CDH4: variants seen among roughly 807,000 people sequenced by gnomAD.
The protein encoded by CDH4 is cadherin 4.
CDH4 carries 33 observed loss-of-function variants against 86.0 expected under a neutral mutation model. The ratio of observed to expected loss-of-function variants is 0.38; its 90% CI spans 0.29 to 0.51. The LOEUF (loss-of-function observed/expected upper bound fraction) is 0.51. Among genes scored for constraint, CDH4 ranks in the 20% least tolerant of loss-of-function variants. The probability of loss-of-function intolerance (pLI) is 0.86; values close to 1 mark genes in which losing one functional copy is unlikely to be tolerated. For missense variants in CDH4, 1,114 were observed against 1,307.4 expected (o/e 0.85, Z 2.28); for synonymous variants, 555 against 549.4 (o/e 1.01, Z -0.14).
intron 2 of CDH4, among the ~76,000 whole-genome samples, chr20:61,687,817 C>G (rs956531458): frequency 6.6e-6 from 1 of 152,278 alleles, no homozygotes; most frequent in Non-Finnish European, 1.5e-5. Flanking sequence ...TACAATGTGT[C>G]TAGGGCATAG....
intron 2 of CDH4, among the ~76,000 whole-genome samples, chr20:61,487,721 A>G (rs1322789020): frequency 1.3e-5 from 2 of 152,196 alleles, no homozygotes; most frequent in Non-Finnish European, 1.5e-5. Context: ...TTGAAACACT[A>G]CTACTCAAAC....
chr20:61,408,868 C>T (rs1416345321), intron 2 of CDH4, among the ~76,000 whole-genome samples: 1 of 152,192 alleles, frequency 6.6e-6, no homozygotes, highest in East Asian at 1.9e-4. Context: ...CCTCAGTGGT[C>T]TCCAGGATCC....
chr20:61,689,005 C>T lies in CDH4; in HGVS notation c.170-54558C>T, dbSNP rs1380702046. Among the ~76,000 whole-genome samples, 4 of 152,262 alleles carry T rather than the reference C, an allele frequency of 2.6e-5. No individual in the cohort carries two copies. The East Asian group carries it at 7.7e-4, about 29-fold the overall frequency. ...GAAAGCCCCACTGGACCTGCCTTCG[C>T]AGCTCCCTCCTCGCCTTCCCTGTGT... On this transcript the variant is annotated intron_variant, in intron 2 of 15. Coordinates refer to ENST00000614565, the MANE Select transcript of CDH4 (RefSeq NM_001794.5).
intron 2 of CDH4, among the ~76,000 whole-genome samples, chr20:61,274,051 G>T (rs1191762528): frequency 7.2e-6 from 1 of 138,278 alleles, no homozygotes; most frequent in Non-Finnish European, 1.6e-5. Flanking sequence ...GGAGTACCAT[G>T]TGTAGTTTGG....
rs146784192 is a variant in CDH4 at position 61,623,448 on chromosome 20, A to T, written c.170-120115A>T. Among the ~76,000 whole-genome samples, 499 of 152,296 alleles carry T rather than the reference A, an allele frequency of 3.3e-3. 7 individuals are homozygous for T. The highest frequency in any genetic ancestry group is 4.6e-3 in the East Asian group (24 of 5,174). Reference sequence around the variant, plus strand: ...TAATTTCACATTGTCTTCTTTATATAGATTACACCTTCCAAAGCCTTCAGA... The same window carrying T: ...TAATTTCACATTGTCTTCTTTATATTGATTACACCTTCCAAAGCCTTCAGA... On this transcript the variant is annotated intron_variant, in intron 2 of 15. Coordinates refer to ENST00000614565, the MANE Select transcript of CDH4 (RefSeq NM_001794.5). The surrounding 1 kb of genome is among the most constrained non-coding windows in gnomAD (Gnocchi z 4.4).
intron 6 of CDH4, among the ~76,000 whole-genome samples, chr20:61,871,241 C>T (rs1417008178): frequency 7.2e-5 from 11 of 152,080 alleles, no homozygotes; most frequent in Admixed American, 5.2e-4. Flanking sequence ...CTATTTTTCA[C>T]TTTTATTTTA....
chr20:61,412,765 T>C (rs1475737811), intron 2 of CDH4, among the ~76,000 whole-genome samples: 1 of 152,156 alleles, frequency 6.6e-6, no homozygotes, highest in Non-Finnish European at 1.5e-5. Flanking sequence ...ATGGACATCT[T>C]GTTTTTCCTT....
intron 2 of CDH4, among the ~76,000 whole-genome samples, chr20:61,408,128 C>T (rs1412148291): frequency 2.6e-5 from 4 of 152,198 alleles, no homozygotes; most frequent in African/African-American, 9.7e-5. Flanking sequence ...AGTGTCCTCT[C>T]ACTAGGACTG....
chr20:61,767,094 T>G (rs1707166080), intron 3 of CDH4, among the ~76,000 whole-genome samples: 1 of 152,190 alleles, frequency 6.6e-6, no homozygotes, highest in Non-Finnish European at 1.5e-5. Context: ...GAGGACTAAA[T>G]GAGACTGTGT....
At chr20:61,897,214 A>G (rs1985171028) in intron 8 of CDH4, among the ~76,000 whole-genome samples, 1 of 152,142 alleles carries the variant, frequency 6.6e-6, no homozygotes, top group East Asian at 1.9e-4. Flanking sequence ...AACAAGGGGC[A>G]TTGTGGTCCT....
In CDH4 at chr20:61,552,189, G is replaced by A. The variant is rs536364646; in HGVS notation, c.170-191374G>A. ...AAGGATACCATCAAAAAAGTGAAAA[G>A]GCCATAGCATGACAGAAAATATTTG... On this transcript the variant is annotated intron_variant, in intron 2 of 15. Coordinates refer to ENST00000614565, the MANE Select transcript of CDH4 (RefSeq NM_001794.5). Among the ~76,000 whole-genome samples, 5 of 152,226 alleles carry A rather than the reference G, an allele frequency of 3.3e-5. No homozygotes were observed. The South Asian group carries it at 8.3e-4, about 25-fold the overall frequency.
At chr20:61,667,601 G>C (rs1296662613) in intron 2 of CDH4, among the ~76,000 whole-genome samples, 1 of 152,202 alleles carries the variant, frequency 6.6e-6, no homozygotes, top group East Asian at 1.9e-4. Context: ...ACACACCCTG[G>C]GAGGTGATGG....
At chr20:61,559,820 G>A (rs922046869) in intron 2 of CDH4, among the ~76,000 whole-genome samples, 2 of 152,094 alleles carry the variant, frequency 1.3e-5, no homozygotes, top group Admixed American at 6.5e-5. Context: ...CACCCAGCCG[G>A]ATTCTCCTTT....
intron 2 of CDH4, among the ~76,000 whole-genome samples, chr20:61,472,935 T>C (rs900194853): frequency 1.3e-5 from 2 of 152,324 alleles, no homozygotes; most frequent in African/African-American, 2.4e-5. Context: ...TTTTACCTAA[T>C]GCTCTTTCAA....
intron 3 of CDH4, among the ~76,000 whole-genome samples, chr20:61,750,973 TGGAG>T (rs887388310): frequency 6.6e-6 from 1 of 152,206 alleles, no homozygotes; most frequent in Non-Finnish European, 1.5e-5. Context: ...ACTATAAAAA[TGGAG>T]GGATATGCTG....
chr20:61,303,285 C>T (rs1048147964), intron 2 of CDH4, among the ~76,000 whole-genome samples: 4 of 152,114 alleles, frequency 2.6e-5, no homozygotes, highest in Non-Finnish European at 5.9e-5. Flanking sequence ...TCAAGGAGGG[C>T]GATATTAGCC....
chr20:61,598,612 G>A (rs537215737), intron 2 of CDH4, among the ~76,000 whole-genome samples: 1 of 152,282 alleles, frequency 6.6e-6, no homozygotes, highest in South Asian at 2.1e-4. Flanking sequence ...TGGGGAGGAT[G>A]TGCAGAGGGA....
At chr20:61,794,422 G>C (rs1217823926) in intron 4 of CDH4, among the ~76,000 whole-genome samples, 2 of 152,192 alleles carry the variant, frequency 1.3e-5, no homozygotes, top group South Asian at 2.1e-4. Flanking sequence ...TTGAGGTCCT[G>C]GGGTGCTCAT....
chr20:61,390,838 T>C (rs1160610572), intron 2 of CDH4, among the ~76,000 whole-genome samples: 1 of 151,998 alleles, frequency 6.6e-6, no homozygotes, highest in Non-Finnish European at 1.5e-5. Flanking sequence ...CCGATTGAGA[T>C]CATGAGGTCA....
Sources: allele counts gnomAD v4.1 joint callset (sites outside exome capture counted in the v4.1 genomes callset), GRCh38; gene constraint gnomAD v4.1.1; non-coding constraint Gnocchi (gnomAD v3.1); transcripts MANE v1.5; gene names NCBI Gene and HGNC (gene_info 2026-07-23, HGNC 2026-07-21).